Variants in DEFB110 observed in about 807,000 individuals in gnomAD.
The protein encoded by DEFB110 is beta-defensin 110.
A neutral mutation model predicts 2.5 loss-of-function variants in DEFB110; 4 were observed. That is an observed-to-expected ratio of 1.60 (90% CI 0.79 to 3.66). The LOEUF is 3.66. Ranked by LOEUF, DEFB110 falls within the 30% of genes most tolerant of loss-of-function variation. The pLI is 0.01. For synonymous variants in DEFB110, 29 were observed against 21.8 expected (o/e 1.33, Z -0.92); for missense variants, 94 against 75.4 (o/e 1.25, Z -0.91).
At chr6:50,021,783 G>T in intron 1 of DEFB110, 98 bp downstream of exon 1, 1 of 1,151,992 alleles carries the variant, frequency 8.7e-7, no homozygotes, top group Non-Finnish European at 1.2e-6. Flanking sequence ...GTGAAATGAT[G>T]TTTTAATCCC....
intron 1 of DEFB110, among the ~76,000 whole-genome samples, chr6:50,009,756 C>A (rs1774196466): frequency 6.6e-6 from 1 of 152,020 alleles, no homozygotes; most frequent in African/African-American, 2.4e-5. Context: ...ACTGATAGGG[C>A]AACTGATCGA....
downstream of DEFB110, among the ~76,000 whole-genome samples, chr6:50,016,089 A>C (rs1045677945): frequency 1.3e-5 from 2 of 151,842 alleles, no homozygotes; most frequent in Non-Finnish European, 2.9e-5. Flanking sequence ...GAATAAGTAC[A>C]TTGCTAATTG....
intron 1 of DEFB110, among the ~76,000 whole-genome samples, chr6:50,020,150 A>G (rs549909385): frequency 3.9e-5 from 6 of 152,248 alleles, no homozygotes; most frequent in South Asian, 4.1e-4. Flanking sequence ...TTTGCACATT[A>G]TAAGAAACAC....
chr6:50,021,852 A>G (rs1286841183), intron 1 of DEFB110, 29 bp downstream of exon 1: 3 of 1,549,920 alleles, frequency 1.9e-6, no homozygotes, highest in Non-Finnish European at 2.6e-6. Flanking sequence ...ATTTGTTAGT[A>G]TAAATCCCCA....
At chr6:50,018,499 A>G (rs1438248950), downstream of DEFB110, among the ~76,000 whole-genome samples, 1 of 151,948 alleles carries the variant, frequency 6.6e-6, no homozygotes, top group East Asian at 1.9e-4. Flanking sequence ...TCTCTCTCAC[A>G]ATAAAGATCT....
chr6:50,013,224 A>G (rs1774262281), intron 1 of DEFB110, among the ~76,000 whole-genome samples: 1 of 151,868 alleles, frequency 6.6e-6, no homozygotes, highest in East Asian at 1.9e-4. Flanking sequence ...GTTGGACTCA[A>G]AAGCAATATA....
chr6:50,012,797 C>A (rs376588120), intron 1 of DEFB110, among the ~76,000 whole-genome samples: 83 of 151,830 alleles, frequency 5.5e-4, no homozygotes, highest in African/African-American at 1.9e-3. Flanking sequence ...TGCACTTGGT[C>A]CTGTGATAGG....
At chr6:50,009,204 C>T (rs764651038) in exon 2 of DEFB110, 11 of 1,609,964 alleles carry the variant, frequency 6.8e-6, no homozygotes, top group Admixed American at 1.7e-5. Flanking sequence ...CATCACAAAA[C>T]GTTTTACATA....
downstream of DEFB110, among the ~76,000 whole-genome samples, chr6:50,018,011 A>G (rs538000940): frequency 1.8e-4 from 28 of 152,038 alleles, no homozygotes; most frequent in South Asian, 5.2e-3. Context: ...GGTATTGACA[A>G]TGTTTCTTAA....
downstream of DEFB110, among the ~76,000 whole-genome samples, chr6:50,016,685 CT>C (rs371836061): frequency 3.3e-5 from 5 of 151,234 alleles, no homozygotes; most frequent in East Asian, 1.9e-4. Flanking sequence ...AGTTTTCAGT[CT>C]TTTTTTCACG....
intron 1 of DEFB110, among the ~76,000 whole-genome samples, chr6:50,013,016 A>G (rs1049389583): frequency 6.6e-6 from 1 of 151,932 alleles, no homozygotes; most frequent in African/African-American, 2.4e-5. Flanking sequence ...TTTAACTGCT[A>G]CTACCACTGC....
Position 50,018,898 on chromosome 6 carries a change from G to A in DEFB110, c.*79C>T, listed in dbSNP as rs1014976165. 2.2e-5 allele frequency: 33 copies of A among 1,507,932 alleles called. No individual in the cohort carries two copies. Among genetic ancestry groups the A allele is most frequent in the East Asian group, 1.2e-4 (5 of 42,756 alleles). 93.4% of individuals were successfully genotyped at this position (1,507,932 alleles called of 1,614,324 possible). A position where few individuals can be genotyped will look rare whatever the true frequency, so the allele number is the denominator to read the frequency against. ...TCTTGTGTATTATAGAGACACACAC[G>A]CCTTGAAGGATGTGCTGGGAAAACT... On this transcript the variant is annotated 3_prime_UTR_variant, in exon 2 of 2. Coordinates refer to ENST00000371148, the MANE Select transcript of DEFB110 (RefSeq NM_001037497.2).
chr6:50,020,858 GTTA>G (rs1001181618), intron 1 of DEFB110, among the ~76,000 whole-genome samples: 1 of 152,058 alleles, frequency 6.6e-6, no homozygotes, highest in Non-Finnish European at 1.5e-5. Flanking sequence ...TTTCTGAGGA[GTTA>G]TTATTATCAA....
chr6:50,019,119 T>A lies in DEFB110; in HGVS notation c.62A>T (p.Lys21Met), dbSNP rs1321969922. 6.2e-7 allele frequency: 1 copy of A among 1,610,798 alleles called. No homozygotes were observed. Among genetic ancestry groups the A allele is most frequent in the Admixed American group, 1.7e-5 (1 of 59,536 alleles). Residue 21 changes from lysine (K) to methionine (M), a missense_variant, in exon 2 of 2, where the codon AAG becomes ATG. Lys to Met is a moderately conservative substitution (Grantham distance 95). Coordinates refer to ENST00000371148, the MANE Select transcript of DEFB110 (RefSeq NM_001037497.2). ...HFWVTILPAK[K>M]KYPEYGSLDL... ...CAAGCTACCATACTCAGGATATTTC[T>A]TTTTGGCTGTAAGAAGGGAAGAATG...
At chr6:50,011,279 A>G (rs1217529462) in intron 1 of DEFB110, among the ~76,000 whole-genome samples, 1 of 151,910 alleles carries the variant, frequency 6.6e-6, no homozygotes, top group Non-Finnish European at 1.5e-5. Context: ...ATGTGATATG[A>G]AACTGGGTGA....
chr6:50,016,553 GCCTT>G (rs1774320135), downstream of DEFB110, among the ~76,000 whole-genome samples: 1 of 151,226 alleles, frequency 6.6e-6, no homozygotes, highest in East Asian at 1.9e-4. Flanking sequence ...GCATTTTTTT[GCCTT>G]CCTTTTGTTA....
chr6:50,013,890 C>T (rs1030639454), downstream of DEFB110, among the ~76,000 whole-genome samples: 14 of 151,764 alleles, frequency 9.2e-5, no homozygotes, highest in African/African-American at 3.4e-4. Flanking sequence ...GATTTTAGCC[C>T]TTGCGAGTAA....
downstream of DEFB110, among the ~76,000 whole-genome samples, chr6:50,015,638 T>C (rs976910605): frequency 2.0e-5 from 3 of 151,870 alleles, no homozygotes; most frequent in African/African-American, 7.2e-5. Context: ...CTAACACTTA[T>C]TGCCTTGTAA....
chr6:50,012,625 T>A (rs554886558), intron 1 of DEFB110, among the ~76,000 whole-genome samples: 2 of 152,102 alleles, frequency 1.3e-5, no homozygotes, highest in East Asian at 3.9e-4. Flanking sequence ...CATAATTTTA[T>A]GAAGTAAGTT....
Sources: gnomAD v4.1 joint callset for allele counts (sites outside exome capture counted in the v4.1 genomes callset) on GRCh38, gnomAD v4.1.1 for gene constraint, MANE v1.5 for transcripts, NCBI Gene and HGNC (gene_info 2026-07-23, HGNC 2026-07-21) for gene names.